The following RBM10 variants were observed in gnomAD, a reference collection of about 807,000 sequenced individuals.
RBM10 encodes the protein RNA binding motif protein 10, also known as RNA-binding protein 10.
Under a neutral mutation model 84.9 loss-of-function variants are expected in RBM10, and 1 was observed. The observed-to-expected ratio is 0.01, with a 90% confidence interval of 0.00 to 0.06. The LOEUF (loss-of-function observed/expected upper bound fraction) is 0.06. Ranked by LOEUF, RBM10 falls within the 10% of genes least tolerant of loss-of-function variation. The pLI, the probability that RBM10 is intolerant of heterozygous loss-of-function variation, is 1.00. For synonymous variants in RBM10, 326 were observed against 344.5 expected (o/e 0.95, Z 0.60); for missense variants, 438 against 839.0 (o/e 0.52, Z 5.90).
intron 2 of RBM10, among the ~76,000 whole-genome samples, chrX:47,160,690 A>AT (rs1238616866): frequency 9.1e-5 from 10 of 110,377 alleles, no homozygotes; most frequent in South Asian, 3.7e-4. Context: ...CAGTTTCGAG[A>AT]TTTTTTTTTG....
At chrX:47,157,780 CTTT>C (rs147325464) in intron 2 of RBM10, 1,762 of 302,684 alleles carry the variant, frequency 5.8e-3, no homozygotes, top group Middle Eastern at 9.0e-3. Flanking sequence ...AGCTGCATGA[CTTT>C]TTTTTTTTTT....
intron 2 of RBM10, chrX:47,157,015 GC>G: frequency 6.8e-6 from 2 of 294,579 alleles, no homozygotes; most frequent in Admixed American, 3.7e-5. Context: ...ACGGCATGCT[GC>G]CCCATCTGGT....
chrX:47,157,434 A>G, intron 2 of RBM10: 1 of 355,788 alleles, frequency 2.8e-6, no homozygotes, highest in East Asian at 5.9e-5. Flanking sequence ...GCACATGAAC[A>G]GGAAAGCCAG....
In RBM10 at chrX:47,181,504, C is replaced by T. The variant is rs1935534342; in HGVS notation, c.1436-3C>T. ...ATTGTCCCTGCCCTGTCCCTCCTTA[C>T]AGGTCCCGAGGCCTCCCTAGAGCCT... On this transcript the variant is annotated splice_polypyrimidine_tract_variant and splice_region_variant and intron_variant, in intron 13 of 23. Transcript: ENST00000377604. 8.3e-7 allele frequency: 1 copy of T among 1,210,454 alleles called. No individual in the cohort carries two copies. The highest frequency in any genetic ancestry group is 1.7e-5 in the African/African-American group (1 of 57,447).
intron 2 of RBM10, chrX:47,157,449 T>G: frequency 2.7e-6 from 1 of 372,593 alleles, no homozygotes; most frequent in Non-Finnish European, 5.0e-6. Context: ...AGCCAGGCTG[T>G]TCTTCTCCAG....
intron 2 of RBM10, among the ~76,000 whole-genome samples, chrX:47,167,344 C>T (rs892744130): frequency 2.8e-5 from 3 of 106,519 alleles, no homozygotes; most frequent in African/African-American, 1.0e-4. Flanking sequence ...AGAAATTATT[C>T]AGTTATTCTA....
intron 2 of RBM10, among the ~76,000 whole-genome samples, chrX:47,160,117 A>G (rs1375851657): frequency 4.5e-5 from 5 of 112,031 alleles, no homozygotes; most frequent in African/African-American, 1.6e-4. Flanking sequence ...AGCCTGGGCG[A>G]CAAGAGTGAA....
At chrX:47,172,484 C>T (rs1934746221) in intron 4 of RBM10, among the ~76,000 whole-genome samples, 1 of 112,288 alleles carries the variant, frequency 8.9e-6, no homozygotes, top group African/African-American at 3.2e-5. Context: ...GAGACCCTGC[C>T]TCACCTGGGC....
chrX:47,159,482 A>G (rs1933486282), intron 2 of RBM10, among the ~76,000 whole-genome samples: 1 of 110,307 alleles, frequency 9.1e-6, no homozygotes, highest in Non-Finnish European at 1.9e-5. Flanking sequence ...TCCTTTGGGT[A>G]TATACCCGGT....
rs1556774452 is a variant in RBM10 at position 47,173,237 on chromosome X, G to A, written c.502+40G>A. The A allele has an allele frequency of 7.5e-6, 9 of 1,200,367 alleles. No individual in the cohort carries two copies. In the South Asian group the frequency reaches 1.6e-4, roughly 22 times the overall value. On this transcript the variant is annotated intron_variant, in intron 5 of 23. Coordinates refer to ENST00000377604, the MANE Select transcript of RBM10 (RefSeq NM_005676.5). ...TAGTGCCCTCCCCTTCAAGTGGCCAGCCTCAGCCTCCGAATCTCCCTCCTG... is the reference window on the plus strand; with the variant it reads ...TAGTGCCCTCCCCTTCAAGTGGCCAACCTCAGCCTCCGAATCTCCCTCCTG...
Position 47,181,655 on chromosome X carries a change from G to T in RBM10, c.1575+9G>T. The T allele has an allele frequency of 2.5e-6, 3 of 1,206,880 alleles. No individual in the cohort carries two copies. Among genetic ancestry groups the T allele is most frequent in the Non-Finnish European group, 3.4e-6 (3 of 893,930 alleles). ...CTGCTGCCAACAGCCAGGTGAGTGA[G>T]CCCTGTGGGTATGTATCCCGGGGAG... On this transcript the variant is annotated intron_variant, in intron 14 of 23. Coordinates refer to ENST00000377604, the MANE Select transcript of RBM10 (RefSeq NM_005676.5).
chrX:47,154,528 C>T (rs1046711113), intron 2 of RBM10, among the ~76,000 whole-genome samples: 4 of 109,364 alleles, frequency 3.7e-5, no homozygotes, highest in South Asian at 4.0e-4. Flanking sequence ...CTTGGCTCAC[C>T]GCAACCTCTG....
At chrX:47,173,228 A>T (rs1556774430) in intron 5 of RBM10, 31 bp downstream of exon 5, 2 of 1,207,742 alleles carry the variant, frequency 1.7e-6, no homozygotes, top group Non-Finnish European at 2.2e-6. Context: ...CCTCCCCTTC[A>T]AGTGGCCAGC....
At chrX:47,147,785 C>T (rs782309372) in intron 2 of RBM10, among the ~76,000 whole-genome samples, 16 of 110,470 alleles carry the variant, frequency 1.4e-4, no homozygotes, top group Admixed American at 1.4e-3. Context: ...GGGCTATAGC[C>T]TGGGGTATGA....
At chrX:47,167,508 C>T (rs1218362371) in intron 2 of RBM10, among the ~76,000 whole-genome samples, 3 of 109,911 alleles carry the variant, frequency 2.7e-5, no homozygotes, top group Non-Finnish European at 5.7e-5. Flanking sequence ...AGATTACAGG[C>T]GTATGCCACC....
chrX:47,164,195 A>C (rs1322905781), intron 2 of RBM10, among the ~76,000 whole-genome samples: 3 of 111,212 alleles, frequency 2.7e-5, no homozygotes, highest in African/African-American at 9.8e-5. Flanking sequence ...ACTTCCAAAG[A>C]CACTATCAAG....
intron 7 of RBM10, among the ~76,000 whole-genome samples, chrX:47,177,368 C>T (rs1220500330): frequency 8.9e-6 from 1 of 111,890 alleles, no homozygotes; most frequent in Non-Finnish European, 1.9e-5. Flanking sequence ...GTGCCTTGCT[C>T]CTGATCACAG....
At chrX:47,161,355 T>G (rs1933663076) in intron 2 of RBM10, among the ~76,000 whole-genome samples, 1 of 111,433 alleles carries the variant, frequency 9.0e-6, no homozygotes, top group Admixed American at 9.6e-5. Context: ...GTTTTCCCCT[T>G]GTTAGTTTGA....
intron 2 of RBM10, among the ~76,000 whole-genome samples, chrX:47,150,537 G>A (rs1174001621): frequency 9.0e-6 from 1 of 111,689 alleles, no homozygotes; most frequent in African/African-American, 3.3e-5. Context: ...TATGGCATAC[G>A]GTAGGCTCCG....
Sources: allele counts gnomAD v4.1 joint callset (sites outside exome capture counted in the v4.1 genomes callset), GRCh38; gene constraint gnomAD v4.1.1; transcripts MANE v1.5; gene names NCBI Gene and HGNC (gene_info 2026-07-23, HGNC 2026-07-21).